Variants in WWOX observed in about 807,000 individuals in gnomAD.
WWOX encodes WW domain-containing oxidoreductase.
A neutral mutation model predicts 46.2 loss-of-function variants in WWOX; 69 were observed. The observed-to-expected ratio is 1.49, with a 90% CI of 1.23 to 1.82. The LOEUF (loss-of-function observed/expected upper bound fraction) is 1.82, where lower values mean the gene tolerates loss of function less well. WWOX is among the 40% of genes most tolerant of loss of function. The probability of loss-of-function intolerance (pLI) is 0.00; values close to 1 mark genes in which losing one functional copy is unlikely to be tolerated. For missense variants in WWOX, 919 were observed against 542.6 expected, an observed-to-expected ratio of 1.69 and a Z score of -6.89; for synonymous variants, 359 against 202.6, an observed-to-expected ratio of 1.77 and a Z score of -6.56.
At chr16:79,066,943 G>T (rs1460164669) in intron 8 of WWOX, among the ~76,000 whole-genome samples, 1 of 150,502 alleles carries the variant, frequency 6.6e-6, no homozygotes, top group Non-Finnish European at 1.5e-5. Context: ...GGACTGGCTT[G>T]TTGGCAGAGA....
intron 8 of WWOX, among the ~76,000 whole-genome samples, chr16:79,083,050 C>T (rs7201529): frequency 0.044 from 6,632 of 152,234 alleles, 488 homozygotes; most frequent in African/African-American, 0.15. Flanking sequence ...CCTCTTGTTT[C>T]AGCCATTTTC....
chr16:79,165,110 G>C (rs1286809972), intron 8 of WWOX, among the ~76,000 whole-genome samples: 1 of 150,434 alleles, frequency 6.6e-6, no homozygotes, highest in East Asian at 2.0e-4. Flanking sequence ...CTTTCCTAGG[G>C]TAAACTTGAT....
chr16:78,614,075 A>G (rs2550583), intron 8 of WWOX, among the ~76,000 whole-genome samples: 84,148 of 152,062 alleles, frequency 0.55, 23,515 homozygotes, highest in Admixed American at 0.62. Context: ...TGAACCTTGC[A>G]TGTTGTGTCA....
At chr16:78,852,145 T>A (rs894086004) in intron 8 of WWOX, among the ~76,000 whole-genome samples, 11 of 152,204 alleles carry the variant, frequency 7.2e-5, no homozygotes, top group African/African-American at 2.4e-4. Context: ...CAACCTTAAA[T>A]ACTTAAGAGC....
rs145137063 is a variant in WWOX, at chr16:78,103,779, C to G, written c.107+3894C>G. On this transcript the variant is annotated intron_variant, in intron 1 of 8. Coordinates refer to ENST00000566780, the MANE Select transcript of WWOX (RefSeq NM_016373.4). ...TTCCATATTGTTTCTCCTACTGTAG[C>G]AGGGCCATGGCCAGGGATAGAGGCT... Among the ~76,000 whole-genome samples the G allele has an allele frequency of 2.4e-3, 365 of 152,196 alleles. 1 individual carries two copies. The highest frequency in any genetic ancestry group is 8.5e-3 in the African/African-American group (352 of 41,506).
intron 8 of WWOX, among the ~76,000 whole-genome samples, chr16:78,921,913 C>G (rs1457516666): frequency 6.6e-6 from 1 of 152,132 alleles, no homozygotes; most frequent in Non-Finnish European, 1.5e-5. Context: ...CAGTTTATTA[C>G]AGGGAAAGGA....
At chr16:78,744,147 A>G (rs2049293235) in intron 8 of WWOX, among the ~76,000 whole-genome samples, 1 of 152,190 alleles carries the variant, frequency 6.6e-6, no homozygotes, top group Admixed American at 6.5e-5. Context: ...GTAAACAGGC[A>G]TTTGATACAG....
intron 8 of WWOX, among the ~76,000 whole-genome samples, chr16:78,656,635 C>T (rs1002251245): frequency 2.0e-5 from 3 of 152,216 alleles, no homozygotes; most frequent in Admixed American, 1.3e-4. Context: ...CCAACCACCT[C>T]CCACCGGGCC....
At chr16:78,590,027 G>T (rs1022423322) in intron 8 of WWOX, among the ~76,000 whole-genome samples, 6 of 152,042 alleles carry the variant, frequency 3.9e-5, no homozygotes, top group Non-Finnish European at 8.8e-5. Flanking sequence ...TACGTGTCAC[G>T]CACTGTGATA....
intron 8 of WWOX, among the ~76,000 whole-genome samples, chr16:78,985,792 A>G (rs978602444): frequency 6.6e-6 from 1 of 152,118 alleles, no homozygotes; most frequent in African/African-American, 2.4e-5. Context: ...GAATAGGCAC[A>G]GACAATTTAC....
At chr16:79,143,274 T>C (rs2050124424) in intron 8 of WWOX, among the ~76,000 whole-genome samples, 1 of 152,220 alleles carries the variant, frequency 6.6e-6, no homozygotes, top group Admixed American at 6.5e-5. Flanking sequence ...TTTGGGAAGT[T>C]CCCAAATCTG....
chr16:78,656,340 T>C (rs1477627032), intron 8 of WWOX, among the ~76,000 whole-genome samples: 3 of 152,126 alleles, frequency 2.0e-5, no homozygotes, highest in African/African-American at 7.2e-5. Context: ...CCTGTATTAG[T>C]CTGTTCTCAC....
chr16:78,144,429 CTATA>C (rs1231079672), intron 4 of WWOX, among the ~76,000 whole-genome samples: 4 of 15,398 alleles, frequency 2.6e-4, no homozygotes, highest in African/African-American at 5.5e-4. Context: ...TTTGCCATTA[CTATA>C]TATATATATA....
intron 8 of WWOX, among the ~76,000 whole-genome samples, chr16:79,144,594 T>A (rs1394244465): frequency 6.6e-6 from 1 of 152,164 alleles, no homozygotes; most frequent in South Asian, 2.1e-4. Flanking sequence ...TTAAAAAAAA[T>A]ATCGAGTGGA....
At chr16:78,222,933 G>A (rs1229754148) in intron 5 of WWOX, among the ~76,000 whole-genome samples, 1 of 152,204 alleles carries the variant, frequency 6.6e-6, no homozygotes, top group Non-Finnish European at 1.5e-5. Context: ...GGTTCAGGGG[G>A]CTGTCCCCTT....
rs556806443 is a variant in WWOX, at chr16:78,309,774, G to A, written c.517-77086G>A. Among the ~76,000 whole-genome samples the A allele has an allele frequency of 4.6e-5, 7 of 152,300 alleles. No individual in the cohort carries two copies. In the South Asian group the frequency reaches 1.5e-3, roughly 32 times the overall value. ...TTAATAAGAGAAATGAAAGGATGAT[G>A]GGAGATGTGCACCCAGCAGTGTCTG... On this transcript the variant is annotated intron_variant, in intron 5 of 8. Transcript: ENST00000566780.
chr16:78,642,371 A>T (rs567831422), intron 8 of WWOX, among the ~76,000 whole-genome samples: 1 of 152,302 alleles, frequency 6.6e-6, no homozygotes, highest in African/African-American at 2.4e-5. Context: ...CTGTCCCTTT[A>T]TGCTGACTTT....
chr16:79,019,007 G>T (rs1296275287), intron 8 of WWOX, among the ~76,000 whole-genome samples: 4 of 151,364 alleles, frequency 2.6e-5, no homozygotes, highest in Non-Finnish European at 5.9e-5. Context: ...TAAAAATTTA[G>T]CCGGGCAGGC....
chr16:78,660,980 A>G (rs2047197378), intron 8 of WWOX, among the ~76,000 whole-genome samples: 1 of 152,052 alleles, frequency 6.6e-6, no homozygotes, highest in Admixed American at 6.6e-5. Flanking sequence ...ATTCATTCCT[A>G]TTTATAGACA....
Sources: allele counts gnomAD v4.1 joint callset (sites outside exome capture counted in the v4.1 genomes callset), GRCh38; gene constraint gnomAD v4.1.1; transcripts MANE v1.5; gene names NCBI Gene and HGNC (gene_info 2026-07-23, HGNC 2026-07-21).